Variants in AUTS2 observed in about 807,000 individuals in gnomAD.
The protein encoded by AUTS2 is autism susceptibility gene 2 protein.
AUTS2 carries 17 observed loss-of-function variants against 112.4 expected under a neutral mutation model. The ratio of observed to expected loss-of-function variants is 0.15; its 90% confidence interval spans 0.10 to 0.23. The LOEUF (loss-of-function observed/expected upper bound fraction) is 0.23, where lower values mean the gene tolerates loss of function less well. Among genes scored for constraint, AUTS2 ranks in the 10% least tolerant of loss-of-function variants. The probability of loss-of-function intolerance (pLI) is 1.00; values close to 1 mark genes in which losing one functional copy is unlikely to be tolerated. For synonymous variants in AUTS2, 751 were observed against 702.7 expected, an observed-to-expected ratio of 1.07 and a Z score of -1.09; for missense variants, 1,510 against 1,701.6, an observed-to-expected ratio of 0.89 and a Z score of 1.98.
chr7:70,410,713 G>A lies in AUTS2; in HGVS notation c.661-25039G>A, dbSNP rs550536840. Among the ~76,000 whole-genome samples, 172 of 151,946 alleles carry A rather than the reference G, an allele frequency of 1.1e-3. 1 individual carries two copies. The highest frequency in any genetic ancestry group is 1.4e-3 in the Admixed American group (21 of 15,264). On this transcript the variant is annotated intron_variant, in intron 4 of 18. Coordinates refer to ENST00000342771, the MANE Select transcript of AUTS2 (RefSeq NM_015570.4). ...CAGGATTACAAGCGTGAGCCACTGC[G>A]CCTGGCTGGGTTTACCTTTTTATTC...
At chr7:70,719,119 G>A (rs1810531147) in intron 6 of AUTS2, among the ~76,000 whole-genome samples, 1 of 152,132 alleles carries the variant, frequency 6.6e-6, no homozygotes, top group Admixed American at 6.5e-5. Flanking sequence ...GAGGTAGATG[G>A]TATTAACACT....
chr7:70,008,898 G>T (rs1204457330), intron 2 of AUTS2, among the ~76,000 whole-genome samples: 1 of 151,968 alleles, frequency 6.6e-6, no homozygotes, highest in African/African-American at 2.4e-5. Context: ...AAATAACCAG[G>T]TATATATGGC....
chr7:70,440,984 A>G (rs550093220), intron 5 of AUTS2, among the ~76,000 whole-genome samples: 1 of 152,322 alleles, frequency 6.6e-6, no homozygotes, highest in Admixed American at 6.5e-5. Context: ...AAAGGGAAAC[A>G]TGATTTTTCC....
rs1477596171 is a variant in AUTS2, at chr7:70,766,498, C to G, written c.1689+164C>G. On this transcript the variant is annotated intron_variant, in intron 9 of 18. Transcript: ENST00000342771. The surrounding 1 kb of genome is among the most constrained non-coding windows in gnomAD (Gnocchi z 4.8). Reference sequence around the variant, plus strand: ...TGTCCTAGTGCCCTGCCTCAGGCAGCTCTGACTTCAGGGGCCTAAAGTAGG... The same window carrying G: ...TGTCCTAGTGCCCTGCCTCAGGCAGGTCTGACTTCAGGGGCCTAAAGTAGG... 1.1e-6 allele frequency: 1 copy of G among 914,752 alleles called. No individual in the cohort carries two copies. Among genetic ancestry groups the G allele is most frequent in the East Asian group, 2.4e-5 (1 of 40,972 alleles). 56.7% of individuals were successfully genotyped at this position (914,752 alleles called of 1,614,324 possible). A position where few individuals can be genotyped will look rare whatever the true frequency, so the allele number is the denominator to read the frequency against.
At chr7:69,865,213 G>A (rs1480211718) in intron 1 of AUTS2, among the ~76,000 whole-genome samples, 1 of 151,958 alleles carries the variant, frequency 6.6e-6, no homozygotes, top group Non-Finnish European at 1.5e-5. Context: ...GTGGGGAGTG[G>A]GAGTTTGGGG....
rs374001550 is a variant in AUTS2 at position 70,320,319 on chromosome 7, T to A, written c.661-115433T>A. On this transcript the variant is annotated intron_variant, in intron 4 of 18. Transcript: ENST00000342771. The stretch of plus-strand genomic sequence containing the variant: ...CCTTTGTGTTGAGAAGGGATACATG[T>A]CACTTATAAAACCTGGGTATGACTA... 4.2e-3 allele frequency among the ~76,000 whole-genome samples: 639 copies of A among 152,318 alleles called. 6 individuals carry two copies. Among genetic ancestry groups the A allele is most frequent in the African/African-American group, 0.015 (609 of 41,566 alleles).
chr7:70,073,196 C>T (rs1348794306), intron 2 of AUTS2, among the ~76,000 whole-genome samples: 5 of 151,272 alleles, frequency 3.3e-5, no homozygotes, highest in Non-Finnish European at 5.9e-5. Context: ...TGAACAGAAA[C>T]AGAGGAGAGG....
chr7:70,494,668 CTG>C (rs1290982571), intron 5 of AUTS2, among the ~76,000 whole-genome samples: 2 of 151,956 alleles, frequency 1.3e-5, no homozygotes, highest in Admixed American at 6.6e-5. Context: ...AGAGAACAGA[CTG>C]GAGACTGCTG....
At chr7:70,258,771 A>G (rs976826727) in intron 4 of AUTS2, among the ~76,000 whole-genome samples, 4 of 152,204 alleles carry the variant, frequency 2.6e-5, no homozygotes, top group Non-Finnish European at 5.9e-5. Context: ...GTAAACTTCA[A>G]AAGTGACTAG....
intron 2 of AUTS2, among the ~76,000 whole-genome samples, chr7:70,030,788 T>G (rs955081307): frequency 1.3e-5 from 2 of 152,152 alleles, no homozygotes; most frequent in African/African-American, 4.8e-5. Context: ...TTTAGAATAT[T>G]TTGACAGCCC....
chr7:70,188,623 G>A (rs901358608), intron 4 of AUTS2, among the ~76,000 whole-genome samples: 5 of 151,932 alleles, frequency 3.3e-5, no homozygotes, highest in African/African-American at 1.2e-4. Flanking sequence ...GAATGATGAG[G>A]GCAGAATCCT....
At chr7:70,408,976 A>C (rs1331153268) in intron 4 of AUTS2, among the ~76,000 whole-genome samples, 1 of 152,248 alleles carries the variant, frequency 6.6e-6, no homozygotes, top group Non-Finnish European at 1.5e-5. Flanking sequence ...AATTTGAAGC[A>C]TTATAAATCT....
chr7:69,970,244 C>T (rs1797794148), intron 2 of AUTS2, among the ~76,000 whole-genome samples: 1 of 152,102 alleles, frequency 6.6e-6, no homozygotes, highest in Admixed American at 6.6e-5. Context: ...TTTTATTCTA[C>T]ATATTCTCCC....
intron 2 of AUTS2, among the ~76,000 whole-genome samples, chr7:69,914,758 T>G (rs555504569): frequency 5.3e-5 from 8 of 151,816 alleles, no homozygotes; most frequent in Non-Finnish European, 1.2e-4. Context: ...TATATGCAAA[T>G]ATTTGTGTGG....
At chr7:70,252,271 C>G (rs1786641676) in intron 4 of AUTS2, among the ~76,000 whole-genome samples, 1 of 152,106 alleles carries the variant, frequency 6.6e-6, no homozygotes. Flanking sequence ...GTTCTCATTT[C>G]TCCACACCAC....
At chr7:69,818,528 TGAG>T (rs1790856007) in intron 1 of AUTS2, among the ~76,000 whole-genome samples, 2 of 152,210 alleles carry the variant, frequency 1.3e-5, no homozygotes, top group African/African-American at 2.4e-5. Context: ...CTATTAATAT[TGAG>T]GAGCAAAGAG....
At chr7:70,587,969 C>T (rs921144432) in intron 5 of AUTS2, among the ~76,000 whole-genome samples, 1 of 152,152 alleles carries the variant, frequency 6.6e-6, no homozygotes, top group African/African-American at 2.4e-5. Flanking sequence ...GAACTGCCGC[C>T]GCACAGTGCT....
At chr7:69,847,731 A>T (rs1366516246) in intron 1 of AUTS2, among the ~76,000 whole-genome samples, 1 of 152,222 alleles carries the variant, frequency 6.6e-6, no homozygotes, top group Non-Finnish European at 1.5e-5. Flanking sequence ...AGAAAGCCGA[A>T]CACTTGAACG....
chr7:70,589,161 A>T (rs969931925), intron 5 of AUTS2, among the ~76,000 whole-genome samples: 1 of 152,184 alleles, frequency 6.6e-6, no homozygotes, highest in Non-Finnish European at 1.5e-5. Flanking sequence ...GTGGCAGTGG[A>T]GCAGTGGCCT....
Sources: gnomAD v4.1 joint callset for allele counts (sites outside exome capture counted in the v4.1 genomes callset) on GRCh38, gnomAD v4.1.1 for gene constraint, Gnocchi (gnomAD v3.1) non-coding constraint, MANE v1.5 for transcripts, NCBI Gene and HGNC (gene_info 2026-07-23, HGNC 2026-07-21) for gene names.